The following NIM1K variants were observed in gnomAD, a reference collection of about 807,000 sequenced individuals.
NIM1K encodes the protein serine/threonine-protein kinase NIM1.
In NIM1K, 35 loss-of-function variants were observed where a neutral mutation model predicts 37.1. That is an observed-to-expected ratio of 0.94 (90% CI 0.72 to 1.25). The LOEUF (loss-of-function observed/expected upper bound fraction) is 1.25. Ranked by LOEUF, NIM1K falls within the 50% of genes most tolerant of loss-of-function variation. The pLI, the probability that NIM1K is intolerant of heterozygous loss-of-function variation, is 0.00. For synonymous variants in NIM1K, 234 were observed against 206.6 expected (o/e 1.13, Z -1.14); for missense variants, 564 against 548.0 (o/e 1.03, Z -0.29).
chr5:43,252,601 A>G (rs945336946), intron 2 of NIM1K, among the ~76,000 whole-genome samples: 2 of 152,014 alleles, frequency 1.3e-5, no homozygotes, highest in African/African-American at 2.4e-5. Context: ...AAGAAATACA[A>G]AGCACCAAGT....
At chr5:43,207,833 A>C (rs537333913) in intron 1 of NIM1K, 200 of 339,964 alleles carry the variant, frequency 5.9e-4, no homozygotes, top group Non-Finnish European at 9.7e-4. Context: ...CCCTAACCAC[A>C]TGTGTTGCAA....
chr5:43,208,078 T>C (rs1275032022), intron 1 of NIM1K, among the ~76,000 whole-genome samples: 3 of 152,218 alleles, frequency 2.0e-5, no homozygotes, highest in Non-Finnish European at 4.4e-5. Flanking sequence ...AATGTGATTT[T>C]TGTTCCTTTT....
chr5:43,210,166 G>GGGAAGGGAGGAGAGA (rs1289464241), intron 1 of NIM1K, among the ~76,000 whole-genome samples: 2 of 151,138 alleles, frequency 1.3e-5, no homozygotes, highest in East Asian at 1.9e-4. Context: ...CAGAGGGGAG[G>GGGAAGGGAGGAGAGA]GGAAGGGAGG....
At chr5:43,246,747 C>T (rs1752784588) in intron 2 of NIM1K, among the ~76,000 whole-genome samples, 2 of 152,192 alleles carry the variant, frequency 1.3e-5, no homozygotes, top group Non-Finnish European at 2.9e-5. Context: ...TCTGGACTAG[C>T]AGCGCCCAGC....
rs547996356 is a variant in NIM1K, at chr5:43,212,754, C to T, written c.-695+20343C>T. On this transcript the variant is annotated intron_variant, in intron 1 of 3. Transcript: ENST00000326035. ...CAGGCAGCAGCTAAATATATCACTGCGATTGCTCCTGAATGTTCTAGAGCA... is the reference window on the plus strand; with the variant it reads ...CAGGCAGCAGCTAAATATATCACTGTGATTGCTCCTGAATGTTCTAGAGCA... Among the ~76,000 whole-genome samples the T allele has an allele frequency of 9.8e-5, 15 of 152,296 alleles. No individual in the cohort carries two copies. The South Asian group carries it at 2.5e-3, about 25-fold the overall frequency.
chr5:43,278,054 T>A (rs531581382), intron 3 of NIM1K, among the ~76,000 whole-genome samples: 1 of 150,498 alleles, frequency 6.6e-6, no homozygotes, highest in Admixed American at 6.6e-5. Flanking sequence ...CTGTTTCTTT[T>A]TTTTTTTTTT....
At chr5:43,228,152 CT>C (rs1231293441) in intron 1 of NIM1K, among the ~76,000 whole-genome samples, 255 of 144,786 alleles carry the variant, frequency 1.8e-3, no homozygotes, top group Admixed American at 1.9e-3. Context: ...TGGTTGAGAC[CT>C]TTTTTTTTTT....
intron 2 of NIM1K, among the ~76,000 whole-genome samples, chr5:43,275,736 G>C (rs61177058): frequency 9.1e-4 from 138 of 152,240 alleles, no homozygotes; most frequent in African/African-American, 3.2e-3. Flanking sequence ...GGGGCTCCAA[G>C]TGCACAGAAT....
chr5:43,235,918 A>G (rs1364527714), intron 1 of NIM1K, among the ~76,000 whole-genome samples: 2 of 152,012 alleles, frequency 1.3e-5, no homozygotes, highest in African/African-American at 4.8e-5. Context: ...TGGAGGCCAA[A>G]TCCAGCCTGA....
At chr5:43,241,332 TC>T (rs1752699228) in intron 1 of NIM1K, among the ~76,000 whole-genome samples, 2 of 46,522 alleles carry the variant, frequency 4.3e-5, no homozygotes, top group Non-Finnish European at 4.5e-5. Flanking sequence ...CTTTTCTTTT[TC>T]TTTTTTTTTT....
chr5:43,200,467 C>CT (rs1554012885), intron 1 of NIM1K, among the ~76,000 whole-genome samples: 1 of 151,812 alleles, frequency 6.6e-6, no homozygotes, highest in African/African-American at 2.4e-5. Flanking sequence ...TGCCCGGCTA[C>CT]TTTTTTGTAT....
chr5:43,275,896 AT>A (rs35301860), intron 2 of NIM1K, among the ~76,000 whole-genome samples: 2,119 of 134,562 alleles, frequency 0.016, 22 homozygotes, highest in African/African-American at 0.027. Context: ...AAATTGAGTA[AT>A]TTTTTTTTTT....
chr5:43,232,909 TG>T, intron 1 of NIM1K: 2 of 1,151,910 alleles, frequency 1.7e-6, no homozygotes, highest in Middle Eastern at 2.4e-4. Context: ...CTGCTCAGGG[TG>T]GAAGAGCTGG....
At chr5:43,198,193 T>TTTTC (rs1751953800) in intron 1 of NIM1K, among the ~76,000 whole-genome samples, 1 of 57,032 alleles carries the variant, frequency 1.8e-5, no homozygotes, top group African/African-American at 7.0e-5. Context: ...CTTTCTTTCT[T>TTTTC]TCTTTCTTTC....
At position 43,265,865 on chromosome 5, in the gene NIM1K, G is replaced by T. The variant is rs146769337; in HGVS notation, c.293-11192G>T. On this transcript the variant is annotated intron_variant, in intron 2 of 3. Coordinates refer to ENST00000326035, the MANE Select transcript of NIM1K (RefSeq NM_153361.4). Reference sequence around the variant, plus strand: ...TAACAGACAGGACCCTCAGCTGCAGGTCTGTTGGAGTTTGCTGGAGGTCCA... The same window carrying T: ...TAACAGACAGGACCCTCAGCTGCAGTTCTGTTGGAGTTTGCTGGAGGTCCA... Among the ~76,000 whole-genome samples the T allele has an allele frequency of 6.2e-3, 952 of 152,334 alleles. 16 individuals are homozygous for T. Among genetic ancestry groups the T allele is most frequent in the African/African-American group, 0.022 (914 of 41,574 alleles).
chr5:43,256,750 G>C (rs1456455164), intron 2 of NIM1K, among the ~76,000 whole-genome samples: 3 of 152,186 alleles, frequency 2.0e-5, no homozygotes, highest in Non-Finnish European at 4.4e-5. Context: ...CCACTGACTG[G>C]TAGAAGTTAA....
chr5:43,207,477 C>T, intron 1 of NIM1K: 1 of 748,168 alleles, frequency 1.3e-6, no homozygotes, highest in Non-Finnish European at 2.5e-6. Flanking sequence ...AAGAGGTACA[C>T]CAAAGAAGGG....
At chr5:43,231,905 G>C in intron 1 of NIM1K, 1 of 1,038,046 alleles carries the variant, frequency 9.6e-7, no homozygotes, top group African/African-American at 1.6e-5. Context: ...TGTCCTCACT[G>C]GCCTCAGAAA....
chr5:43,202,539 C>T (rs1443697855), intron 1 of NIM1K, among the ~76,000 whole-genome samples: 2 of 152,176 alleles, frequency 1.3e-5, no homozygotes, highest in Non-Finnish European at 2.9e-5. Flanking sequence ...CAGTGGACTC[C>T]TAAAAGTCCC....
Sources: allele counts gnomAD v4.1 joint callset (sites outside exome capture counted in the v4.1 genomes callset), GRCh38; gene constraint gnomAD v4.1.1; transcripts MANE v1.5; gene names NCBI Gene and HGNC (gene_info 2026-07-23, HGNC 2026-07-21).